The following ECSIT variants were observed in gnomAD, a reference collection of about 807,000 sequenced individuals.
The protein encoded by ECSIT is ECSIT signaling integrator, also known as evolutionarily conserved signaling intermediate in Toll pathway, mitochondrial.
ECSIT carries 29 observed loss-of-function variants against 36.8 expected under a neutral mutation model. That is an observed-to-expected ratio of 0.79 (90% CI 0.59 to 1.08). The LOEUF is 1.08. Among genes scored for constraint, ECSIT ranks in the 50% least tolerant of loss-of-function variants. The probability of loss-of-function intolerance (pLI) is 0.00; values close to 1 mark genes in which losing one functional copy is unlikely to be tolerated. For missense variants in ECSIT, 542 were observed against 581.0 expected (o/e 0.93, Z 0.69); for synonymous variants, 231 against 234.8 (o/e 0.98, Z 0.15).
rs2144992213 is a variant in ECSIT at position 11,519,823 on chromosome 19, G to T, written c.-23-630C>A. 1 of 152,670 alleles carries T rather than the reference G, an allele frequency of 6.6e-6. No homozygotes were observed. 9.5% of individuals were successfully genotyped at this position (152,670 alleles called of 1,614,324 possible). A position where few individuals can be genotyped will look rare whatever the true frequency, so the allele number is the denominator to read the frequency against. ...TCGCTACTAAAAATACAAAAAATTA[G>T]CCGAGCATGGTGGCGCACGCCTGTA... On this transcript the variant is annotated intron_variant, in intron 1 of 7. Transcript: ENST00000270517. This position sits in a 1 kb window ranked among gnomAD's most constrained non-coding sequence, Gnocchi z 4.4.
intron 2 of ECSIT, among the ~76,000 whole-genome samples, chr19:11,517,267 G>A (rs1972016608): frequency 6.8e-6 from 1 of 146,798 alleles, no homozygotes; most frequent in Admixed American, 6.7e-5. Context: ...ATCGTTCTTT[G>A]ATAAGGCAAT....
intron 4 of ECSIT, among the ~76,000 whole-genome samples, chr19:11,511,182 G>A (rs1156289537): frequency 6.6e-6 from 1 of 152,198 alleles, no homozygotes; most frequent in African/African-American, 2.4e-5. Flanking sequence ...AGGACCACAT[G>A]ACAAGTGCTG....
chr19:11,507,706 T>A lies in ECSIT; in HGVS notation c.941A>T (p.Glu314Val), dbSNP rs970783807. The change falls in exon 6 of 8, where the codon GAG becomes GTG. Residue 314 changes from glutamate (E) to valine (V), a missense_variant. Glu to Val is a moderately radical substitution (Grantham distance 121). Transcript: ENST00000270517. ...TGCTTTGCTTTAAGCCCTCACCCTCTCCTCCGGGGGCAGCAAGTCAGCTCT... is the reference window on the plus strand; with the variant it reads ...TGCTTTGCTTTAAGCCCTCACCCTCACCTCCGGGGGCAGCAAGTCAGCTCT... ...ILRADLLPPEEREVEETPEEW... is the reference protein window; with the variant it reads ...ILRADLLPPEVREVEETPEEW... 1.1e-5 allele frequency: 18 copies of A among 1,613,772 alleles called. No individual in the cohort carries two copies. In the African/African-American group the frequency reaches 2.3e-4, roughly 20 times the overall value.
intron 1 of ECSIT, chr19:11,525,553 C>CT (rs1362878589): frequency 6.6e-6 from 1 of 151,826 alleles, no homozygotes; most frequent in Non-Finnish European, 1.5e-5. Flanking sequence ...ACTACAGCTA[C>CT]TTAAAGTGTG....
Position 11,529,048 on chromosome 19 carries a change from C to G in ECSIT, c.-24+14G>C, listed in dbSNP as rs1005740422. 6.6e-6 allele frequency: 1 copy of G among 152,322 alleles called. No individual in the cohort carries two copies. Among genetic ancestry groups the G allele is most frequent in the Non-Finnish European group, 1.5e-5 (1 of 68,120 alleles). 9.4% of individuals were successfully genotyped at this position (152,322 alleles called of 1,614,324 possible). ...GCCCAGCAGTTCGCGTTCGCCTACCCGCGCGCGACCTACCTACTCACGCGG... is the reference window on the plus strand; with the variant it reads ...GCCCAGCAGTTCGCGTTCGCCTACCGGCGCGCGACCTACCTACTCACGCGG... On this transcript the variant is annotated intron_variant, in intron 1 of 7. Transcript: ENST00000270517.
intron 4 of ECSIT, among the ~76,000 whole-genome samples, chr19:11,510,943 C>G (rs527516478): frequency 3.9e-5 from 6 of 151,922 alleles, no homozygotes; most frequent in African/African-American, 1.5e-4. Flanking sequence ...TCTGCCCCCC[C>G]ACCCCCGGCA....
intron 4 of ECSIT, among the ~76,000 whole-genome samples, chr19:11,512,384 T>G (rs573808099): frequency 6.6e-6 from 1 of 151,790 alleles, no homozygotes; most frequent in East Asian, 1.9e-4. Context: ...TGTTTGCCCC[T>G]TATATTATGT....
At chr19:11,508,995 G>A (rs2144968035) in intron 4 of ECSIT, among the ~76,000 whole-genome samples, 1 of 152,272 alleles carries the variant, frequency 6.6e-6, no homozygotes, top group East Asian at 1.9e-4. Flanking sequence ...CTCTGTGGAG[G>A]ACAGGGTGGG....
Position 11,520,118 on chromosome 19 carries a change from T to C in ECSIT, c.-23-925A>G, listed in dbSNP as rs537935869. Among the ~76,000 whole-genome samples the C allele has an allele frequency of 4.6e-5, 7 of 152,268 alleles. No individual in the cohort carries two copies. The South Asian group carries it at 1.5e-3, about 32-fold the overall frequency. On this transcript the variant is annotated intron_variant, in intron 1 of 7. Transcript: ENST00000270517. ...CCGGCCATTTCATACAAATGGAATC[T>C]GGAATCACAAGTGCTCCTTTATGAT...
rs1433799164 is a variant in ECSIT at position 11,519,037 on chromosome 19, C to T, written c.96+38G>A. The T allele has an allele frequency of 6.6e-7, 1 of 1,513,056 alleles. No homozygotes were observed. The highest frequency in any genetic ancestry group is 1.2e-5 in the South Asian group (1 of 83,246). The allele number at this position is 1,513,056 out of a possible 1,614,324, so 93.7% of individuals were successfully genotyped here. ...GAGTTGGGAGCAAATCCCAAGCTTA[C>T]CTCCCTCTACCCAAAAGACTGCCTG... is the stretch of plus-strand genomic sequence containing the variant. On this transcript the variant is annotated intron_variant, in intron 2 of 7. Transcript: ENST00000270517. This position sits in a 1 kb window ranked among gnomAD's most constrained non-coding sequence, Gnocchi z 4.4.
chr19:11,515,846 C>T (rs1288183438), intron 2 of ECSIT, among the ~76,000 whole-genome samples: 1 of 151,986 alleles, frequency 6.6e-6, no homozygotes, highest in African/African-American at 2.4e-5. Flanking sequence ...GTTGGCCAGG[C>T]TGGTCTTGAA....
intron 1 of ECSIT, chr19:11,528,659 G>A (rs1053747433): frequency 2.0e-5 from 3 of 152,202 alleles, no homozygotes; most frequent in African/African-American, 4.8e-5. Context: ...TATGACAGAT[G>A]CCTAACGAGT....
At chr19:11,512,682 C>T (rs1349091302) in intron 4 of ECSIT, among the ~76,000 whole-genome samples, 3 of 151,954 alleles carry the variant, frequency 2.0e-5, no homozygotes, top group Admixed American at 6.6e-5. Context: ...TGCCTGTAAT[C>T]CCAGCACTTT....
intron 5 of ECSIT, 40 bp downstream of exon 5, chr19:11,507,951 A>G: frequency 6.2e-7 from 1 of 1,613,798 alleles, no homozygotes; most frequent in Non-Finnish European, 8.5e-7. Flanking sequence ...GGGCCTGGGT[A>G]AGGTTAGAGA....
chr19:11,527,500 G>GCAGGAC (rs1364721384), intron 1 of ECSIT, among the ~76,000 whole-genome samples: 1 of 151,954 alleles, frequency 6.6e-6, no homozygotes, highest in Admixed American at 6.6e-5. Flanking sequence ...GGGCAACATA[G>GCAGGAC]AGAGACCCCA....
rs1415690591 is a variant in ECSIT at position 11,514,186 on chromosome 19, G to A, written c.132C>T (p.Ser44=). ...ACTGTTCAGAGCTATGGGCAGCTGC[G>A]CTGCAGTGGAGGCCCCGAGGGAGCC... ...PRRLPRGLHC[S]AAAHSSEQSL... is the part of the protein sequence containing the mutation. Residue 44 remains serine (S), a synonymous_variant, in exon 3 of 8, where the codon AGC becomes AGT. Coordinates refer to ENST00000270517, the MANE Select transcript of ECSIT (RefSeq NM_016581.5). 1.2e-5 allele frequency: 19 copies of A among 1,608,716 alleles called. No homozygotes were observed. Among genetic ancestry groups the A allele is most frequent in the East Asian group, 6.7e-5 (3 of 44,790 alleles).
chr19:11,513,372 TCA>T, intron 3 of ECSIT, 93 bp from the exon 4 acceptor site: 2 of 1,005,130 alleles, frequency 2.0e-6, no homozygotes, highest in Non-Finnish European at 3.1e-6. Flanking sequence ...AGGGAATTGA[TCA>T]CAGACAGGGA....
At chr19:11,509,101 G>A (rs960808901) in intron 4 of ECSIT, among the ~76,000 whole-genome samples, 1 of 137,960 alleles carries the variant, frequency 7.2e-6, no homozygotes, top group Admixed American at 7.5e-5. Flanking sequence ...ACAGAGTTTC[G>A]CTCTTGTTGC....
intron 1 of ECSIT, among the ~76,000 whole-genome samples, chr19:11,521,613 C>CA (rs889952144): frequency 7.9e-5 from 12 of 151,410 alleles, no homozygotes; most frequent in Admixed American, 4.0e-4. Flanking sequence ...ACTAAAAAAA[C>CA]AAAAAAACAA....
Sources: gnomAD v4.1 joint callset for allele counts (sites outside exome capture counted in the v4.1 genomes callset) on GRCh38, gnomAD v4.1.1 for gene constraint, Gnocchi (gnomAD v3.1) non-coding constraint, MANE v1.5 for transcripts, NCBI Gene and HGNC (gene_info 2026-07-23, HGNC 2026-07-21) for gene names.